Variants in RBMS3 observed in about 807,000 individuals in gnomAD.
The protein encoded by RBMS3 is RNA-binding motif, single-stranded-interacting protein 3.
RBMS3 carries 27 observed loss-of-function variants against 66.8 expected under a neutral mutation model. That is an observed-to-expected ratio of 0.40 (90% CI 0.30 to 0.56). RBMS3 has a LOEUF of 0.56. Ranked by LOEUF, RBMS3 falls within the 20% of genes least tolerant of loss-of-function variation. The pLI, the probability that RBMS3 is intolerant of heterozygous loss-of-function variation, is 0.40. For missense variants in RBMS3, 513 were observed against 549.5 expected (o/e 0.93, Z 0.66); for synonymous variants, 188 against 183.0 (o/e 1.03, Z -0.22).
At chr3:29,302,459 T>C (rs139197475) in intron 1 of RBMS3, among the ~76,000 whole-genome samples, 84 of 152,140 alleles carry the variant, frequency 5.5e-4, no homozygotes, top group African/African-American at 1.8e-3. Context: ...CAGACTTTCA[T>C]CATGTGATTG....
chr3:29,959,433 G>A (rs1203982523), intron 12 of RBMS3, among the ~76,000 whole-genome samples: 1 of 152,120 alleles, frequency 6.6e-6, no homozygotes, highest in Non-Finnish European at 1.5e-5. Flanking sequence ...TTGGGCAGGG[G>A]GTGAGGGTGG....
In RBMS3 at chr3:29,434,783, G is replaced by A. The variant is rs1207003123; in HGVS notation, c.116G>A (p.Ser39Asn). 1.2e-6 allele frequency: 2 copies of A among 1,614,020 alleles called. No homozygotes were observed. Among genetic ancestry groups the A allele is most frequent in the Non-Finnish European group, 1.7e-6 (2 of 1,179,984 alleles). ...GCTCCCCACCCCATGGCTCCTCCCA[G>A]CCCCAGCACAAACAGCAGCAGCAAC... Reference protein sequence around the residue: ...APAPHPMAPPSPSTNSSSNNS... With the variant: ...APAPHPMAPPNPSTNSSSNNS... The change falls in exon 2 of 15, where the codon AGC (serine) becomes AAC (asparagine). Residue 39 changes from serine to asparagine, a missense_variant. Coordinates refer to ENST00000383767, the MANE Select transcript of RBMS3 (RefSeq NM_001003793.3).
At chr3:29,450,062 A>G (rs1036479713) in intron 2 of RBMS3, among the ~76,000 whole-genome samples, 2 of 152,210 alleles carry the variant, frequency 1.3e-5, no homozygotes, top group African/African-American at 4.8e-5. Flanking sequence ...ACAGCCCCCA[A>G]GCTAGTGCCA....
At chr3:29,827,543 A>G (rs1231532125) in intron 6 of RBMS3, among the ~76,000 whole-genome samples, 1 of 152,120 alleles carries the variant, frequency 6.6e-6, no homozygotes, top group Non-Finnish European at 1.5e-5. Context: ...TTAACCAGTT[A>G]TTCATATCTC....
intron 6 of RBMS3, among the ~76,000 whole-genome samples, chr3:29,842,147 G>T (rs903758728): frequency 6.6e-6 from 1 of 152,078 alleles, no homozygotes; most frequent in Non-Finnish European, 1.5e-5. Flanking sequence ...TAAGTTAAAA[G>T]ATTTTTGAGC....
In RBMS3 at chr3:29,973,780, T is replaced by C. The variant is rs72849039; in HGVS notation, c.1099-14363T>C. Among the ~76,000 whole-genome samples the C allele has an allele frequency of 1.6e-3, 242 of 152,048 alleles. 1 individual carries two copies. The highest frequency in any genetic ancestry group is 5.5e-3 in the African/African-American group (230 of 41,516). On this transcript the variant is annotated intron_variant, in intron 12 of 14. Coordinates refer to ENST00000383767, the MANE Select transcript of RBMS3 (RefSeq NM_001003793.3). ...TTTTAAGCACTCAGTTTCACACATA[T>C]CACATTCTGATGACCACCTCCTTCT...
chr3:29,807,206 G>A (rs778619880), intron 6 of RBMS3, among the ~76,000 whole-genome samples: 1 of 151,898 alleles, frequency 6.6e-6, no homozygotes, highest in African/African-American at 2.4e-5. Context: ...TATCAAGATT[G>A]CTTTTCACAT....
intron 1 of RBMS3, among the ~76,000 whole-genome samples, chr3:29,329,644 C>T (rs1575556010): frequency 6.6e-6 from 1 of 151,718 alleles, no homozygotes; most frequent in East Asian, 1.9e-4. Context: ...TTCATGATTG[C>T]CTATTCAAAG....
intron 3 of RBMS3, among the ~76,000 whole-genome samples, chr3:29,565,606 C>T (rs923489012): frequency 2.0e-5 from 3 of 152,112 alleles, no homozygotes; most frequent in African/African-American, 7.2e-5. Context: ...ACACAAAGTC[C>T]TTTATTGATC....
chr3:29,460,623 G>T lies in RBMS3; in HGVS notation c.248+25708G>T, dbSNP rs2042340988. On this transcript the variant is annotated intron_variant, in intron 2 of 14. Transcript: ENST00000383767. ...AGAGCTTACATAAGAGCTGAGCTGA[G>T]TAAGGACAAAGGTGTCAACCTACAT... 2.0e-5 allele frequency among the ~76,000 whole-genome samples: 3 copies of T among 152,220 alleles called. No individual in the cohort carries two copies. In the South Asian group the frequency reaches 6.2e-4, roughly 31 times the overall value.
chr3:29,402,821 A>T (rs1331455383), intron 1 of RBMS3, among the ~76,000 whole-genome samples: 3 of 152,032 alleles, frequency 2.0e-5, no homozygotes, highest in African/African-American at 7.2e-5. Context: ...ATAATACTGA[A>T]GCTGGATTGA....
chr3:29,429,588 C>T (rs1173554484), intron 1 of RBMS3, among the ~76,000 whole-genome samples: 3 of 152,160 alleles, frequency 2.0e-5, no homozygotes, highest in Non-Finnish European at 2.9e-5. Flanking sequence ...CCATTTCCAC[C>T]GCTTCTAAGC....
At chr3:29,404,633 T>G (rs1200100139) in intron 1 of RBMS3, among the ~76,000 whole-genome samples, 1 of 152,130 alleles carries the variant, frequency 6.6e-6, no homozygotes, top group Non-Finnish European at 1.5e-5. Flanking sequence ...TGGGTAGCTC[T>G]GGACTCTCCA....
intron 4 of RBMS3, among the ~76,000 whole-genome samples, chr3:29,659,748 G>C (rs960006373): frequency 7.2e-5 from 11 of 152,132 alleles, no homozygotes; most frequent in African/African-American, 2.7e-4. Flanking sequence ...TGGTTACAGA[G>C]AGCTGGAATT....
intron 4 of RBMS3, among the ~76,000 whole-genome samples, chr3:29,627,849 G>A (rs2049128966): frequency 6.6e-6 from 1 of 152,036 alleles, no homozygotes. Flanking sequence ...AGCTGATCTT[G>A]ATACTGTCTA....
intron 4 of RBMS3, among the ~76,000 whole-genome samples, chr3:29,631,066 G>A (rs373073388): frequency 2.6e-4 from 40 of 151,924 alleles, no homozygotes; most frequent in African/African-American, 9.6e-4. Flanking sequence ...CAAAATTTGA[G>A]TATTTTAAGA....
intron 11 of RBMS3, among the ~76,000 whole-genome samples, chr3:29,938,824 G>A (rs1257947014): frequency 6.6e-6 from 1 of 151,960 alleles, no homozygotes. Context: ...TATTAGCTCT[G>A]CATGTTTAGG....
At chr3:29,759,754 C>T (rs72846821) in intron 5 of RBMS3, among the ~76,000 whole-genome samples, 3,447 of 152,116 alleles carry the variant, frequency 0.023, 134 homozygotes, top group African/African-American at 0.077. Context: ...CACTTTTGTT[C>T]TGCTTCCACG....
Position 29,482,701 on chromosome 3 carries a change from C to CTTTTTTTTTTTTTTTTTT in RBMS3, c.249-5733_249-5716dup, listed in dbSNP as rs755520785. Among the ~76,000 whole-genome samples the CTTTTTTTTTTTTTTTTTT allele has an allele frequency of 7.2e-4, 56 of 77,508 alleles. 1 individual carries two copies. Among genetic ancestry groups the CTTTTTTTTTTTTTTTTTT allele is most frequent in the Non-Finnish European group, 1.0e-3 (44 of 43,872 alleles). 50.8% of individuals were successfully genotyped at this position (77,508 alleles called of 152,430 possible). ...AGTCTACCATTTTCTTTCTTTCTTT[C>CTTTTTTTTTTTTTTTTTT]TTTTTTTTTTTTTTTTTTTTTTTTG... is the stretch of plus-strand genomic sequence containing the variant. On this transcript the variant is annotated intron_variant, in intron 2 of 14. Transcript: ENST00000383767.
Sources: allele counts gnomAD v4.1 joint callset (sites outside exome capture counted in the v4.1 genomes callset), GRCh38; gene constraint gnomAD v4.1.1; transcripts MANE v1.5; gene names NCBI Gene and HGNC (gene_info 2026-07-23, HGNC 2026-07-21).